LYPD8: variants seen among roughly 807,000 people sequenced by gnomAD.
LYPD8 encodes LY6/PLAUR domain containing 8, also known as ly6/PLAUR domain-containing protein 8.
A neutral mutation model predicts 1.7 loss-of-function variants in LYPD8; 8 were observed. That is an observed-to-expected ratio of 4.58 (90% CI 2.69 to 8.27). LYPD8 has a LOEUF of 8.27. Ranked by LOEUF, LYPD8 falls within the 30% of genes most tolerant of loss-of-function variation. LYPD8 has a pLI of 0.00. For missense variants in LYPD8, 112 were observed against 102.3 expected, an observed-to-expected ratio of 1.09 and a Z score of -0.41; for synonymous variants, 50 against 43.6, an observed-to-expected ratio of 1.15 and a Z score of -0.58.
In LYPD8 at chr1:248,748,471, C is replaced by CA. The variant is rs1224949590; in HGVS notation, c.173-19dup. On this transcript the variant is annotated intron_variant, in intron 4 of 6. Transcript: ENST00000590317. ...TGGTGTCTCTACACAAAGACAAACA[C>CA]AGACTGTCAGCCCCTGGTAAGGAGG... 7 of 401,382 alleles carry CA rather than the reference C, an allele frequency of 1.7e-5. No homozygotes were observed. The highest frequency in any genetic ancestry group is 1.4e-4 in the African/African-American group (7 of 48,652). The allele number at this position is 401,382 out of a possible 1,614,324, so 24.9% of individuals were successfully genotyped here.
rs1264921815 is a variant in LYPD8 at position 248,753,593 on chromosome 1, CACA to C, written c.-50+1643_-50+1645del. 2.4e-4 allele frequency among the ~76,000 whole-genome samples: 30 copies of C among 125,242 alleles called. 1 individual carries two copies. Among genetic ancestry groups the C allele is most frequent in the African/African-American group, 9.0e-4 (28 of 30,956 alleles). The allele number at this position is 125,242 out of a possible 152,430, so 82.2% of individuals were successfully genotyped here. A position where few individuals can be genotyped will look rare whatever the true frequency, so the allele number is the denominator to read the frequency against. On this transcript the variant is annotated intron_variant, in intron 2 of 6. Transcript: ENST00000590317. ...CACACACCCCACACAACACACACAA[CACA>C]ACACACACACCACACACCCCACACA...
intron 4 of LYPD8, among the ~76,000 whole-genome samples, chr1:248,749,854 CAT>C (rs1283291290): frequency 2.0e-5 from 3 of 151,740 alleles, no homozygotes; most frequent in Non-Finnish European, 2.9e-5. Context: ...CACACATACA[CAT>C]ATATGTGTGT....
At position 248,750,312 on chromosome 1, in the gene LYPD8, C is replaced by T. The variant is rs1313722804; in HGVS notation, c.172+212G>A. Among the ~76,000 whole-genome samples, 15 of 152,308 alleles carry T rather than the reference C, an allele frequency of 9.8e-5. 3 individuals are homozygous for T. The highest frequency in any genetic ancestry group is 5.9e-4 in the Admixed American group (9 of 15,304). On this transcript the variant is annotated intron_variant, in intron 4 of 6. Transcript: ENST00000590317. ...TCACGGGCATCAGTCCCAAACACCA[C>T]GAGGGGCTCCTGTGGCTTTGACCCT...
intron 2 of LYPD8, among the ~76,000 whole-genome samples, chr1:248,752,064 C>T (rs1662809556): frequency 1.3e-5 from 2 of 152,096 alleles, no homozygotes; most frequent in East Asian, 3.8e-4. Flanking sequence ...TAATCATTAT[C>T]TCATTTACCC....
intron 2 of LYPD8, among the ~76,000 whole-genome samples, chr1:248,752,916 C>A (rs1460706905): frequency 0.02 from 1,837 of 93,730 alleles, 231 homozygotes; most frequent in East Asian, 0.061. Context: ...CCCCACACAC[C>A]AACACACCAC....
intron 2 of LYPD8, among the ~76,000 whole-genome samples, chr1:248,754,704 C>A (rs1490093407): frequency 3.9e-5 from 6 of 152,152 alleles, no homozygotes; most frequent in African/African-American, 1.4e-4. Flanking sequence ...GGAAACCAGT[C>A]GGTCTGGGAG....
In LYPD8 at chr1:248,748,911, T is replaced by G. The variant is rs1309338333; in HGVS notation, c.173-458A>C. 1.1e-4 allele frequency among the ~76,000 whole-genome samples: 17 copies of G among 152,360 alleles called. 1 individual carries two copies. In the South Asian group the frequency reaches 2.9e-3, roughly 26 times the overall value. On this transcript the variant is annotated intron_variant, in intron 4 of 6. Coordinates refer to ENST00000590317, the MANE Select transcript of LYPD8 (RefSeq NM_001085474.2). ...TATTTGTGCCTATTTAAATTTAAATTTTATTAATTAAAATAAAATCAAATT... is the reference window on the plus strand; with the variant it reads ...TATTTGTGCCTATTTAAATTTAAATGTTATTAATTAAAATAAAATCAAATT...
intron 6 of LYPD8, 114 bp downstream of exon 6, chr1:248,745,028 C>T (rs939360149): frequency 2.4e-4 from 94 of 393,900 alleles, no homozygotes; most frequent in African/African-American, 1.6e-3. Flanking sequence ...TGGCCCTTAT[C>T]CCCCTTGTCC....
intron 2 of LYPD8, among the ~76,000 whole-genome samples, chr1:248,752,944 TC>T (rs1437020207): frequency 1.1e-4 from 5 of 43,528 alleles, no homozygotes; most frequent in African/African-American, 5.0e-4. Context: ...ACACACCACA[TC>T]ACACACACAC....
At chr1:248,752,847 A>AC (rs1662835268) in intron 2 of LYPD8, among the ~76,000 whole-genome samples, 9 of 111,556 alleles carry the variant, frequency 8.1e-5, no homozygotes, top group African/African-American at 3.5e-4. Context: ...CCCCACACAC[A>AC]CACACCACAC....
intron 2 of LYPD8, among the ~76,000 whole-genome samples, chr1:248,754,177 G>T (rs1421039945): frequency 7.4e-6 from 1 of 135,770 alleles, no homozygotes; most frequent in Admixed American, 7.4e-5. Flanking sequence ...CACACATTAG[G>T]TACACACCGA....
intron 2 of LYPD8, among the ~76,000 whole-genome samples, chr1:248,751,830 C>G (rs996920262): frequency 6.6e-6 from 1 of 152,286 alleles, no homozygotes; most frequent in African/African-American, 2.4e-5. Flanking sequence ...ACACACTCAA[C>G]CTGCAGCACT....
chr1:248,750,336 C>G (rs1558208075), intron 4 of LYPD8, among the ~76,000 whole-genome samples, 188 bp downstream of exon 4: 1 of 152,332 alleles, frequency 6.6e-6, no homozygotes, highest in Middle Eastern at 3.4e-3. Flanking sequence ...GGCTTTGACC[C>G]TGTGATCTTG....
Position 248,750,937 on chromosome 1 carries a change from T to C in LYPD8, c.52+93A>G, listed in dbSNP as rs886876343. The C allele has an allele frequency of 6.8e-5, 27 of 398,492 alleles. 3 individuals carry two copies. In the Middle Eastern group the frequency reaches 1.9e-3, roughly 28 times the overall value. The allele number at this position is 398,492 out of a possible 1,614,324, so 24.7% of individuals were successfully genotyped here. Reference sequence around the variant, plus strand: ...GGTCATCCCTGACCATAATTTGACATGTGAGGCCCTCGGGGATTTGAGAGC... The same window carrying C: ...GGTCATCCCTGACCATAATTTGACACGTGAGGCCCTCGGGGATTTGAGAGC... On this transcript the variant is annotated intron_variant, in intron 3 of 6. Transcript: ENST00000590317.
At position 248,739,730 on chromosome 1, in the gene LYPD8, C is replaced by T; in HGVS notation, c.595G>A (p.Ala199Thr). The change falls in exon 7 of 7, where the codon GCA becomes ACA. Residue 199 changes from alanine to threonine, a missense_variant. Ala to Thr is a moderately conservative substitution (Grantham distance 58). Transcript: ENST00000590317. This position sits in a 1 kb window ranked among gnomAD's most constrained non-coding sequence, Gnocchi z 4.3. ...GGVIFRKFEC[A>T]NVNSLTPTSA... ...GTGGGGGTTAAGCTGTTTACATTTG[C>T]ACACTCAAACTTTCGAAAGATGACT... 6.4e-7 allele frequency: 1 copy of T among 1,551,724 alleles called. No homozygotes were observed. Among genetic ancestry groups the T allele is most frequent in the Non-Finnish European group, 8.7e-7 (1 of 1,146,988 alleles).
At chr1:248,745,510 G>A (rs1662715028) in intron 5 of LYPD8, among the ~76,000 whole-genome samples, 1 of 152,164 alleles carries the variant, frequency 6.6e-6, no homozygotes. Context: ...TGGCCCATCA[G>A]TGTGTTTGGG....
rs1234386085 is a variant in LYPD8 at position 248,751,971 on chromosome 1, G to A, written c.-49-841C>T. ...GGTTTGGTTATATTCATTAGAATTC[G>A]AAATTAGAACTTCCAGAATTCCAAC... On this transcript the variant is annotated intron_variant, in intron 2 of 6. Transcript: ENST00000590317. Among the ~76,000 whole-genome samples the A allele has an allele frequency of 3.9e-5, 6 of 152,142 alleles. No individual in the cohort carries two copies. The South Asian group carries it at 1.0e-3, about 26-fold the overall frequency.
At position 248,742,247 on chromosome 1, in the gene LYPD8, C is replaced by T. The variant is rs368405928; in HGVS notation, c.476-2398G>A. Among the ~76,000 whole-genome samples the T allele has an allele frequency of 4.6e-4, 42 of 90,542 alleles. No individual in the cohort carries two copies. In the East Asian group the frequency reaches 0.012, roughly 27 times the overall value. 59.4% of individuals were successfully genotyped at this position (90,542 alleles called of 152,430 possible). A position where few individuals can be genotyped will look rare whatever the true frequency, so the allele number is the denominator to read the frequency against. On this transcript the variant is annotated intron_variant, in intron 6 of 6. Coordinates refer to ENST00000590317, the MANE Select transcript of LYPD8 (RefSeq NM_001085474.2). ...TACGCTCTGGTGGGGATGTTGGCAG[C>T]CGGGGGAGGTTACGCTCTGGTGGGG...
chr1:248,742,915 CG>C (rs1458968281), intron 6 of LYPD8, among the ~76,000 whole-genome samples: 2 of 76,956 alleles, frequency 2.6e-5, no homozygotes, highest in African/African-American at 6.0e-5. Context: ...ATGTTGGCAG[CG>C]GGGGAGATTA....
Sources: allele counts gnomAD v4.1 joint callset (sites outside exome capture counted in the v4.1 genomes callset), GRCh38; gene constraint gnomAD v4.1.1; non-coding constraint Gnocchi (gnomAD v3.1); transcripts MANE v1.5; gene names NCBI Gene and HGNC (gene_info 2026-07-23, HGNC 2026-07-21).